Variants in SBK1 observed in about 807,000 individuals in gnomAD.
The protein encoded by SBK1 is SH3 domain binding kinase 1.
In SBK1, 11 loss-of-function variants were observed where a neutral mutation model predicts 24.4. The ratio of observed to expected loss-of-function variants is 0.45; its 90% confidence interval spans 0.28 to 0.75. The LOEUF (loss-of-function observed/expected upper bound fraction) is 0.75, where lower values mean the gene tolerates loss of function less well. Ranked by LOEUF, SBK1 falls within the 30% of genes least tolerant of loss-of-function variation. The pLI is 0.12. For synonymous variants in SBK1, 308 were observed against 284.4 expected (o/e 1.08, Z -0.83); for missense variants, 467 against 620.5 (o/e 0.75, Z 2.63).
intron 1 of SBK1, among the ~76,000 whole-genome samples, chr16:28,281,406 TCCCTC>T (rs1261743893): frequency 1.3e-5 from 2 of 151,878 alleles, no homozygotes; most frequent in Non-Finnish European, 2.9e-5. Context: ...CCACCCTGTG[TCCCTC>T]CCCGAGTCCC....
chr16:28,288,246 G>A (rs1281014302), upstream of SBK1, among the ~76,000 whole-genome samples: 1 of 152,174 alleles, frequency 6.6e-6, no homozygotes, highest in East Asian at 1.9e-4. Flanking sequence ...GAACAGACGC[G>A]CCTTAGTTCT....
intron 1 of SBK1, among the ~76,000 whole-genome samples, chr16:28,273,520 G>A (rs1025505713): frequency 9.9e-5 from 15 of 152,032 alleles, no homozygotes; most frequent in Non-Finnish European, 1.3e-4. Flanking sequence ...CACCATGCCC[G>A]GCCATAGGTT....
At chr16:28,271,135 T>TA (rs1319302377) in intron 1 of SBK1, among the ~76,000 whole-genome samples, 1 of 151,930 alleles carries the variant, frequency 6.6e-6, no homozygotes, top group African/African-American at 2.4e-5. Flanking sequence ...AGTGCTGGGA[T>TA]TACAGGCGTG....
chr16:28,271,022 C>CTA (rs1230252308), intron 1 of SBK1, among the ~76,000 whole-genome samples: 1 of 151,872 alleles, frequency 6.6e-6, no homozygotes, highest in Non-Finnish European at 1.5e-5. Flanking sequence ...CGCCACCACG[C>CTA]CTGGCTAATT....
intron 1 of SBK1, among the ~76,000 whole-genome samples, chr16:28,313,718 C>T (rs768698819): frequency 6.6e-6 from 1 of 151,908 alleles, no homozygotes; most frequent in Non-Finnish European, 1.5e-5. Context: ...GGGTTCCTTC[C>T]TCCCCAGCCA....
At chr16:28,262,161 AG>A (rs1452157864) in intron 1 of SBK1, among the ~76,000 whole-genome samples, 1 of 151,496 alleles carries the variant, frequency 6.6e-6, no homozygotes, top group East Asian at 1.9e-4. Context: ...CTGCTGGAGG[AG>A]GGGCAGTGGG....
In SBK1 at chr16:28,321,072, C is replaced by G. The variant is rs2044841310; in HGVS notation, c.*151C>G. On this transcript the variant is annotated 3_prime_UTR_variant, in exon 4 of 4. Transcript: ENST00000341901. The stretch of plus-strand genomic sequence containing the variant: ...CGCGGCCCGGCACCTGGTCCGTCCC[C>G]GGCGGGCTGGTGAGGGGGCCACCAA... 2 of 735,262 alleles carry G rather than the reference C, an allele frequency of 2.7e-6. No individual in the cohort carries two copies. Among genetic ancestry groups the G allele is most frequent in the Non-Finnish European group, 3.8e-6 (2 of 524,980 alleles). The allele number at this position is 735,262 out of a possible 1,614,324, so 45.5% of individuals were successfully genotyped here.
chr16:28,280,350 A>AATATATATATAT (rs535039780), intron 1 of SBK1, among the ~76,000 whole-genome samples: 18 of 139,496 alleles, frequency 1.3e-4, no homozygotes, highest in African/African-American at 4.7e-4. Flanking sequence ...ATATATATAA[A>AATATATATATAT]ATATATATAT....
chr16:28,301,948 ACTC>A (rs2044682723), intron 1 of SBK1, among the ~76,000 whole-genome samples: 2 of 151,728 alleles, frequency 1.3e-5, no homozygotes, highest in African/African-American at 4.8e-5. Context: ...TTGAGAATAT[ACTC>A]CTCCTCCTTC....
At chr16:28,267,354 G>C (rs964831935) in intron 1 of SBK1, among the ~76,000 whole-genome samples, 1 of 152,118 alleles carries the variant, frequency 6.6e-6, no homozygotes, top group East Asian at 1.9e-4. Context: ...GCCACTATTC[G>C]TGGCGTATCA....
upstream of SBK1, among the ~76,000 whole-genome samples, chr16:28,287,555 G>A (rs1391408432): frequency 6.6e-6 from 1 of 152,166 alleles, no homozygotes; most frequent in African/African-American, 2.4e-5. Flanking sequence ...CTGGAGAGGT[G>A]GCACCTTTGA....
intron 1 of SBK1, among the ~76,000 whole-genome samples, chr16:28,297,365 C>G (rs2044648162): frequency 6.6e-6 from 1 of 152,136 alleles, no homozygotes; most frequent in Admixed American, 6.5e-5. Context: ...ATTTCCTGAA[C>G]AGAAACGAAA....
intron 1 of SBK1, among the ~76,000 whole-genome samples, chr16:28,261,632 A>G (rs1597006364): frequency 6.6e-6 from 1 of 152,310 alleles, no homozygotes; most frequent in East Asian, 1.9e-4. Flanking sequence ...CCTGTCTCAA[A>G]AAAGAGAAAG....
intron 1 of SBK1, among the ~76,000 whole-genome samples, chr16:28,280,334 GTA>G (rs34268182): frequency 0.44 from 61,576 of 139,714 alleles, 14,424 homozygotes; most frequent in East Asian, 0.8. Flanking sequence ...ACGTACATAT[GTA>G]TATATATATA....
chr16:28,300,468 T>C (rs143291982), intron 1 of SBK1, among the ~76,000 whole-genome samples: 6 of 151,732 alleles, frequency 4.0e-5, no homozygotes, highest in Admixed American at 6.6e-5. Context: ...CACAGGCGCA[T>C]GCCACCATGC....
chr16:28,280,153 G>A (rs867997300), intron 1 of SBK1, among the ~76,000 whole-genome samples: 274 of 61,924 alleles, frequency 4.4e-3, no homozygotes, highest in Middle Eastern at 9.6e-3. Context: ...ATATATATGT[G>A]TGTGTGTGTG....
At chr16:28,310,448 G>A (rs1040683468) in intron 1 of SBK1, among the ~76,000 whole-genome samples, 8 of 152,180 alleles carry the variant, frequency 5.3e-5, no homozygotes, top group African/African-American at 1.4e-4. Context: ...ATCTGGGTGC[G>A]ATGTTCCCAA....
At chr16:28,275,550 G>T (rs1332645157) in intron 1 of SBK1, among the ~76,000 whole-genome samples, 2 of 151,990 alleles carry the variant, frequency 1.3e-5, no homozygotes, top group Admixed American at 1.3e-4. Context: ...AGGAGGAGAC[G>T]CCAGAGCCTT....
chr16:28,279,426 A>AAG (rs982812525), intron 1 of SBK1, among the ~76,000 whole-genome samples: 5 of 150,698 alleles, frequency 3.3e-5, no homozygotes, highest in African/African-American at 1.2e-4. Flanking sequence ...AAAAAAAAAA[A>AAG]AAAAAAAACC....
Sources: gnomAD v4.1 joint callset for allele counts (sites outside exome capture counted in the v4.1 genomes callset) on GRCh38, gnomAD v4.1.1 for gene constraint, MANE v1.5 for transcripts, NCBI Gene and HGNC (gene_info 2026-07-23, HGNC 2026-07-21) for gene names.